Variants in PCDHGA5 observed in about 807,000 individuals in gnomAD.
PCDHGA5 encodes protocadherin gamma-A5.
A neutral mutation model predicts 56.7 loss-of-function variants in PCDHGA5; 36 were observed. The observed-to-expected ratio is 0.64, with a 90% CI of 0.49 to 0.84. The LOEUF (loss-of-function observed/expected upper bound fraction) is 0.84. PCDHGA5 is among the 40% of genes least tolerant of loss of function. The pLI is 0.00. For missense variants in PCDHGA5, 1,305 were observed against 1,201.5 expected (o/e 1.09, Z -1.27); for synonymous variants, 563 against 520.2 (o/e 1.08, Z -1.12).
intron 1 of PCDHGA5, chr5:141,421,833 C>A: frequency 6.2e-7 from 1 of 1,613,756 alleles, no homozygotes; most frequent in South Asian, 1.1e-5. Context: ...GAAGCCTGGA[C>A]CGAGAGAAAG....
intron 1 of PCDHGA5, chr5:141,421,199 A>C (rs991814876): frequency 2.0e-6 from 3 of 1,514,716 alleles, no homozygotes; most frequent in Non-Finnish European, 2.6e-6. Context: ...CAGCTCGAGA[A>C]ACCGCGGAAT....
At chr5:141,376,271 G>A (rs761909915) in intron 1 of PCDHGA5, 2 of 1,614,104 alleles carry the variant, frequency 1.2e-6, no homozygotes, top group African/African-American at 2.7e-5. Flanking sequence ...GGCTTCGGGA[G>A]GTGGCTTAGC....
chr5:141,433,361 A>ATCTATCTATCTC, intron 1 of PCDHGA5: 1 of 297,578 alleles, frequency 3.4e-6, no homozygotes, highest in Non-Finnish European at 6.3e-6. Context: ...CTGTCTGCCT[A>ATCTATCTATCTC]TCTATCTATC....
chr5:141,391,083 G>A (rs974357992), intron 1 of PCDHGA5: 1 of 152,152 alleles, frequency 6.6e-6, no homozygotes, highest in East Asian at 1.9e-4. Context: ...ATGTGTAACT[G>A]CCTTATCTGC....
intron 1 of PCDHGA5, among the ~76,000 whole-genome samples, chr5:141,373,589 GTGA>G (rs1348028052): frequency 6.6e-6 from 1 of 152,242 alleles, no homozygotes; most frequent in Non-Finnish European, 1.5e-5. Flanking sequence ...GTGGTGAAAT[GTGA>G]TGATAATTCA....
intron 1 of PCDHGA5, chr5:141,400,092 G>A (rs2093959231): frequency 6.2e-7 from 1 of 1,613,942 alleles, no homozygotes; most frequent in South Asian, 1.1e-5. Context: ...CCACCGCCAC[G>A]CTGCACTTGG....
chr5:141,431,960 T>C lies in PCDHGA5; in HGVS notation c.2422-62847T>C. On this transcript the variant is annotated intron_variant, in intron 1 of 3. Transcript: ENST00000518069. This position sits in a 1 kb window ranked among gnomAD's most constrained non-coding sequence, Gnocchi z 4.8. ...TAAATTAGAAAAATCTTACGGAAAT[T>C]ACTATAGTTTAGTCACAGACATAGT... The C allele has an allele frequency of 3.7e-6, 6 of 1,614,166 alleles. No individual in the cohort carries two copies. Among genetic ancestry groups the C allele is most frequent in the Non-Finnish European group, 5.1e-6 (6 of 1,180,034 alleles).
intron 1 of PCDHGA5, chr5:141,395,553 TG>T: frequency 1.2e-5 from 1 of 84,110 alleles, no homozygotes; most frequent in Non-Finnish European, 2.1e-5. Context: ...TGTGTGTGTG[TG>T]TGTGTGTGTG....
intron 1 of PCDHGA5, among the ~76,000 whole-genome samples, chr5:141,433,449 T>C (rs2097611087): frequency 6.6e-6 from 1 of 152,068 alleles, no homozygotes; most frequent in Non-Finnish European, 1.5e-5. Context: ...TTGAGCAGGC[T>C]GATCTGAAAC....
chr5:141,410,710 CAT>C lies in PCDHGA5; in HGVS notation c.2421+43962_2421+43963del, dbSNP rs140431021. 1.9e-3 allele frequency: 2,785 copies of C among 1,444,504 alleles called. 45 individuals are homozygous for C. In the African/African-American group the frequency reaches 0.033, roughly 17 times the overall value. The allele number at this position is 1,444,504 out of a possible 1,614,324, so 89.5% of individuals were successfully genotyped here. On this transcript the variant is annotated intron_variant, in intron 1 of 3. Coordinates refer to ENST00000518069, the MANE Select transcript of PCDHGA5 (RefSeq NM_018918.3). ...ACTACTTTATTTTCATATCTAGAATCATATGTTTAAAATCCATAGCTTTTTAC... is the reference window on the plus strand; with the variant it reads ...ACTACTTTATTTTCATATCTAGAATCATGTTTAAAATCCATAGCTTTTTAC...
chr5:141,390,186 A>G (rs760464699), intron 1 of PCDHGA5: 1 of 1,614,048 alleles, frequency 6.2e-7, no homozygotes, highest in East Asian at 2.2e-5. Flanking sequence ...CCTAAAATGT[A>G]GTGAGCAGTT....
chr5:141,398,337 G>T, intron 1 of PCDHGA5: 3 of 1,369,482 alleles, frequency 2.2e-6, no homozygotes, highest in Non-Finnish European at 3.0e-6. Context: ...GCGTCAGTTC[G>T]GAGAAGCCTT....
intron 1 of PCDHGA5, chr5:141,371,970 C>A: frequency 6.2e-7 from 1 of 1,613,250 alleles, no homozygotes; most frequent in Non-Finnish European, 8.5e-7. Context: ...CGAGCAGCTG[C>A]GTGCCTTCGA....
rs762446364 is a variant in PCDHGA5 at position 141,365,347 on chromosome 5, C to T, written c.1017C>T (p.Asp339=). Residue 339 remains aspartate (D), a synonymous_variant, in exon 1 of 4, where the codon GAC becomes GAT. Coordinates refer to ENST00000518069, the MANE Select transcript of PCDHGA5 (RefSeq NM_018918.3). ...ASAKVVVTVQ[D]VNDNAPEVIL... The stretch of plus-strand genomic sequence containing the variant: ...CTAAGGTGGTGGTCACAGTACAGGA[C>T]GTGAATGACAATGCCCCCGAAGTGA... 10 of 1,613,828 alleles carry T rather than the reference C, an allele frequency of 6.2e-6. No individual in the cohort carries two copies. The highest frequency in any genetic ancestry group is 2.2e-5 in the East Asian group (1 of 44,874).
chr5:141,486,659 G>A lies in PCDHGA5; in HGVS notation c.2422-8148G>A, dbSNP rs758578821. The stretch of plus-strand genomic sequence containing the variant: ...TGCGCTTATCTCCTACTCACTCCTG[G>A]AGCCCAGGAATCGAGATGTATCAGC... On this transcript the variant is annotated intron_variant, in intron 1 of 3. Transcript: ENST00000518069. This position sits in a 1 kb window ranked among gnomAD's most constrained non-coding sequence, Gnocchi z 5.0. 5.0e-6 allele frequency: 8 copies of A among 1,613,944 alleles called. No homozygotes were observed. Among genetic ancestry groups the A allele is most frequent in the Middle Eastern group, 1.6e-4 (1 of 6,062 alleles).
intron 1 of PCDHGA5, chr5:141,389,801 C>T: frequency 6.2e-7 from 1 of 1,613,766 alleles, no homozygotes; most frequent in South Asian, 1.1e-5. Context: ...TCCGCCAGCG[C>T]CTTCTGGTCG....
At chr5:141,465,945 AC>A (rs761290693) in intron 1 of PCDHGA5, among the ~76,000 whole-genome samples, 7 of 151,958 alleles carry the variant, frequency 4.6e-5, no homozygotes, top group Non-Finnish European at 5.9e-5. Context: ...ACATGGTGAA[AC>A]CCCATCTCTA....
intron 1 of PCDHGA5, chr5:141,393,783 G>C: frequency 6.2e-7 from 1 of 1,613,982 alleles, no homozygotes. Context: ...AGCCGAAGAT[G>C]TGGGGGCACT....
At chr5:141,475,071 C>T (rs1198043142) in intron 1 of PCDHGA5, among the ~76,000 whole-genome samples, 2 of 152,198 alleles carry the variant, frequency 1.3e-5, no homozygotes, top group Non-Finnish European at 2.9e-5. Context: ...AGCTTTGCTG[C>T]CATTATTTCA....
Sources: gnomAD v4.1 joint callset for allele counts (sites outside exome capture counted in the v4.1 genomes callset) on GRCh38, gnomAD v4.1.1 for gene constraint, Gnocchi (gnomAD v3.1) non-coding constraint, MANE v1.5 for transcripts, NCBI Gene and HGNC (gene_info 2026-07-23, HGNC 2026-07-21) for gene names.